PIAS1: variants seen among roughly 807,000 people sequenced by gnomAD.
PIAS1 encodes protein inhibitor of activated STAT 1.
In PIAS1, 6 loss-of-function variants were observed where a neutral mutation model predicts 71.3. The observed-to-expected ratio is 0.08, with a 90% CI of 0.05 to 0.17. PIAS1 has a LOEUF of 0.17. Ranked by LOEUF, PIAS1 falls within the 10% of genes least tolerant of loss-of-function variation. PIAS1 has a pLI of 1.00. For missense variants in PIAS1, 555 were observed against 793.6 expected (o/e 0.70, Z 3.61); for synonymous variants, 303 against 292.9 (o/e 1.03, Z -0.35).
chr15:68,159,273 T>C (rs2092909915), intron 7 of PIAS1, among the ~76,000 whole-genome samples: 1 of 152,206 alleles, frequency 6.6e-6, no homozygotes, highest in Non-Finnish European at 1.5e-5. Flanking sequence ...CTTCTACTTT[T>C]ACTTTATTTT....
chr15:68,086,598 C>T lies in PIAS1; in HGVS notation c.317C>T (p.Ser106Leu), dbSNP rs774456004. 1.3e-5 allele frequency: 21 copies of T among 1,613,780 alleles called. 1 individual carries two copies. The highest frequency in any genetic ancestry group is 7.7e-5 in the South Asian group (7 of 91,080). ...QLTYDGHPAS[S>L]PLLPVSLLGP... ...ACTTACGATGGTCACCCTGCATCAT[C>T]GCCATTACTCCCTGTTTCTCTTCTG... Residue 106 changes from serine (S) to leucine (L), a missense_variant, in exon 2 of 14, where the codon TCG becomes TTG. Coordinates refer to ENST00000249636, the MANE Select transcript of PIAS1 (RefSeq NM_016166.3). This position sits in a 1 kb window ranked among gnomAD's most constrained non-coding sequence, Gnocchi z 7.2.
intron 2 of PIAS1, among the ~76,000 whole-genome samples, chr15:68,119,237 CAAAAAA>C (rs60879036): frequency 1.1e-3 from 30 of 27,408 alleles, no homozygotes; most frequent in South Asian, 3.3e-3. Flanking sequence ...CCATCTCTAC[CAAAAAA>C]AAAAAAAAAA....
chr15:68,103,402 TGTG>T (rs1378762673), intron 2 of PIAS1, among the ~76,000 whole-genome samples: 3 of 152,126 alleles, frequency 2.0e-5, no homozygotes, highest in Non-Finnish European at 2.9e-5. Flanking sequence ...TTCAACCTTT[TGTG>T]GTGTTTATTT....
intron 1 of PIAS1, among the ~76,000 whole-genome samples, chr15:68,066,706 G>A (rs1008654099): frequency 6.6e-6 from 1 of 152,030 alleles, no homozygotes; most frequent in Admixed American, 6.5e-5. Flanking sequence ...GGGTGTCAAA[G>A]TAAGACTGGA....
intron 2 of PIAS1, among the ~76,000 whole-genome samples, chr15:68,129,744 C>T (rs1478314918): frequency 6.6e-6 from 1 of 150,928 alleles, no homozygotes; most frequent in Non-Finnish European, 1.5e-5. Context: ...AAAACATGTC[C>T]TCAAAACTTA....
chr15:68,101,231 T>C lies in PIAS1; in HGVS notation c.469+14481T>C, dbSNP rs937291483. ...GTGGTTTTAGTTTGCATTTCCCTAA[T>C]AGCTAATGATGTTGAACATCCTTTT... On this transcript the variant is annotated intron_variant, in intron 2 of 13. Transcript: ENST00000249636. 2.0e-5 allele frequency among the ~76,000 whole-genome samples: 3 copies of C among 152,112 alleles called. No individual in the cohort carries two copies. In the East Asian group the frequency reaches 5.8e-4, roughly 29 times the overall value.
chr15:68,079,112 A>G (rs1163013398), intron 1 of PIAS1, among the ~76,000 whole-genome samples: 1 of 152,030 alleles, frequency 6.6e-6, no homozygotes, highest in Admixed American at 6.5e-5. Context: ...TTAGTGGCCA[A>G]GTCAGTACCA....
At chr15:68,071,269 CT>C (rs201177318) in intron 1 of PIAS1, among the ~76,000 whole-genome samples, 42,348 of 102,654 alleles carry the variant, frequency 0.41, 9,158 homozygotes, top group East Asian at 0.81. Flanking sequence ...TTGCTTCATT[CT>C]TTTTTTTTTT....
chr15:68,146,027 C>A, intron 5 of PIAS1, 121 bp downstream of exon 5: 1 of 655,858 alleles, frequency 1.5e-6, no homozygotes, highest in Non-Finnish European at 2.7e-6. Context: ...GATATATATT[C>A]ATTGACTGGG....
chr15:68,122,875 T>C (rs1248845488), intron 2 of PIAS1, among the ~76,000 whole-genome samples: 2 of 152,174 alleles, frequency 1.3e-5, no homozygotes, highest in East Asian at 3.9e-4. Flanking sequence ...ATTTAGTTTC[T>C]CATCCAACTA....
intron 2 of PIAS1, among the ~76,000 whole-genome samples, chr15:68,098,741 T>G (rs1233056698): frequency 1.3e-5 from 2 of 152,160 alleles, no homozygotes; most frequent in African/African-American, 2.4e-5. Flanking sequence ...AGCTACTTAG[T>G]AGGCAATAGA....
chr15:68,173,068 A>G lies in PIAS1; in HGVS notation c.1009-664A>G, dbSNP rs1373481382. 6.6e-6 allele frequency among the ~76,000 whole-genome samples: 1 copy of G among 152,256 alleles called. No individual in the cohort carries two copies. Among genetic ancestry groups the G allele is most frequent in the Non-Finnish European group, 1.5e-5 (1 of 68,042 alleles). On this transcript the variant is annotated intron_variant, in intron 8 of 13. Transcript: ENST00000249636. The surrounding 1 kb of genome is among the most constrained non-coding windows in gnomAD (Gnocchi z 4.3). Reference sequence around the variant, plus strand: ...TTTGTCCTGTGAACTACTTTCATTCATAGATAAGACTGATAGCAAATATCA... The same window carrying G: ...TTTGTCCTGTGAACTACTTTCATTCGTAGATAAGACTGATAGCAAATATCA...
intron 13 of PIAS1, chr15:68,184,557 G>A (rs1428573646): frequency 6.6e-6 from 1 of 152,214 alleles, no homozygotes; most frequent in African/African-American, 2.4e-5. Flanking sequence ...CTAGCTCCGG[G>A]TGGTTTAAAC....
rs1452510934 is a variant in PIAS1, at chr15:68,192,695, G to C, written c.*4860G>C. The C allele has an allele frequency of 6.6e-6, 1 of 152,226 alleles. No homozygotes were observed. Among genetic ancestry groups the C allele is most frequent in the African/African-American group, 2.4e-5 (1 of 41,422 alleles). 9.4% of individuals were successfully genotyped at this position (152,226 alleles called of 1,614,324 possible). ...CAGTTTTCCCTGTGCCCGGTGCCTA[G>C]TGAAAGATTTGTGTCTTGTACATCC... On this transcript the variant is annotated 3_prime_UTR_variant, in exon 14 of 14. Transcript: ENST00000249636.
rs532731910 is a variant in PIAS1, at chr15:68,179,002, AT to A, written c.1482-2207del. ...GCTATAGTATTTGCAAATGCCAGAC[AT>A]TTCTCTCTCTATTTGCAGATAAAAA... On this transcript the variant is annotated intron_variant, in intron 11 of 13. Transcript: ENST00000249636. Among the ~76,000 whole-genome samples, 51 of 152,306 alleles carry A rather than the reference AT, an allele frequency of 3.3e-4. No individual in the cohort carries two copies. In the South Asian group the frequency reaches 0.01, roughly 30 times the overall value.
At chr15:68,094,811 G>A (rs1359677828) in intron 2 of PIAS1, among the ~76,000 whole-genome samples, 2 of 152,182 alleles carry the variant, frequency 1.3e-5, no homozygotes, top group Non-Finnish European at 2.9e-5. Flanking sequence ...GGTTTCTTTG[G>A]AAATTTTTCT....
intron 1 of PIAS1, chr15:68,055,120 G>A (rs528908062): frequency 1.1e-4 from 76 of 707,272 alleles, no homozygotes; most frequent in Non-Finnish European, 1.3e-4. Context: ...GTGTTGGGAG[G>A]GGGGGATGCA....
intron 2 of PIAS1, among the ~76,000 whole-genome samples, chr15:68,095,406 T>C (rs1048731942): frequency 6.6e-6 from 1 of 151,972 alleles, no homozygotes; most frequent in Non-Finnish European, 1.5e-5. Context: ...CATCATGGGG[T>C]AGATAGGATA....
chr15:68,090,743 A>G (rs1332718720), intron 2 of PIAS1, among the ~76,000 whole-genome samples: 1 of 152,130 alleles, frequency 6.6e-6, no homozygotes, highest in Non-Finnish European at 1.5e-5. Flanking sequence ...TTATTGCCCT[A>G]TCCTGTCATC....
Sources: gnomAD v4.1 joint callset for allele counts (sites outside exome capture counted in the v4.1 genomes callset) on GRCh38, gnomAD v4.1.1 for gene constraint, Gnocchi (gnomAD v3.1) non-coding constraint, MANE v1.5 for transcripts, NCBI Gene and HGNC (gene_info 2026-07-23, HGNC 2026-07-21) for gene names.